The following GLRB variants were observed in gnomAD, a reference collection of about 807,000 sequenced individuals.
GLRB encodes the protein glycine receptor beta.
GLRB carries 33 observed loss-of-function variants against 54.2 expected under a neutral mutation model. The observed-to-expected ratio is 0.61, with a 90% confidence interval of 0.46 to 0.81. The LOEUF is 0.81. GLRB is among the 40% of genes least tolerant of loss of function. The pLI is 0.00. For missense variants in GLRB, 572 were observed against 584.6 expected (o/e 0.98, Z 0.22); for synonymous variants, 209 against 208.2 (o/e 1.00, Z -0.03).
chr4:157,087,532 T>A (rs1734456016), intron 2 of GLRB, among the ~76,000 whole-genome samples: 1 of 152,146 alleles, frequency 6.6e-6, no homozygotes, highest in African/African-American at 2.4e-5. Flanking sequence ...TTAACTATTT[T>A]AGTGTTTTGT....
At chr4:157,126,490 G>A (rs1736020703) in intron 4 of GLRB, among the ~76,000 whole-genome samples, 1 of 151,676 alleles carries the variant, frequency 6.6e-6, no homozygotes, top group African/African-American at 2.4e-5. Flanking sequence ...AATACTATAA[G>A]TGGTATTTAC....
rs1412809817 is a variant in GLRB at position 157,164,264 on chromosome 4, T to G, written c.1198-6168T>G. On this transcript the variant is annotated intron_variant, in intron 9 of 9. Transcript: ENST00000264428. ...CGAAGAACTGGTATTGAAAGCATAC[T>G]GTTTGTGAGAAACTGTGCTTCCCCT... Among the ~76,000 whole-genome samples the G allele has an allele frequency of 4.6e-5, 7 of 152,312 alleles. No individual in the cohort carries two copies. The South Asian group carries it at 8.3e-4, about 18-fold the overall frequency.
intron 2 of GLRB, among the ~76,000 whole-genome samples, chr4:157,117,380 T>C (rs1331882864): frequency 1.3e-5 from 2 of 151,758 alleles, no homozygotes; most frequent in East Asian, 3.9e-4. Context: ...CTTCTACCAA[T>C]GTTTTTCTAC....
At chr4:157,076,975 G>A (rs867559283) in intron 1 of GLRB, among the ~76,000 whole-genome samples, 1 of 64,580 alleles carries the variant, frequency 1.5e-5, no homozygotes, top group African/African-American at 8.1e-5. Context: ...AGAATCCTGG[G>A]GGGGGGGGGG....
intron 2 of GLRB, among the ~76,000 whole-genome samples, chr4:157,079,064 G>C (rs1035744054): frequency 6.6e-6 from 1 of 152,120 alleles, no homozygotes; most frequent in African/African-American, 2.4e-5. Flanking sequence ...GTGGTTCACC[G>C]CACCTGGCCA....
At chr4:157,080,420 G>C (rs1463660994) in intron 2 of GLRB, among the ~76,000 whole-genome samples, 2 of 152,148 alleles carry the variant, frequency 1.3e-5, no homozygotes, top group African/African-American at 4.8e-5. Context: ...TTAAAAAGTG[G>C]ATGTACCTTG....
At chr4:157,094,326 C>T (rs1335321318) in intron 2 of GLRB, among the ~76,000 whole-genome samples, 1 of 152,146 alleles carries the variant, frequency 6.6e-6, no homozygotes, top group African/African-American at 2.4e-5. Context: ...GTAACTGCTT[C>T]TTTTGCTCAC....
rs543326528 is a variant in GLRB at position 157,157,224 on chromosome 4, A to G, written c.1197+4214A>G. Among the ~76,000 whole-genome samples the G allele has an allele frequency of 3.3e-5, 5 of 152,246 alleles. No individual in the cohort carries two copies. In the East Asian group the frequency reaches 9.7e-4, roughly 29 times the overall value. Reference sequence around the variant, plus strand: ...GTGTAGGTTTAAGTCCATACTCCCTACATAGTTTCCACAGACACTATGGCA... The same window carrying G: ...GTGTAGGTTTAAGTCCATACTCCCTGCATAGTTTCCACAGACACTATGGCA... On this transcript the variant is annotated intron_variant, in intron 9 of 9. Coordinates refer to ENST00000264428, the MANE Select transcript of GLRB (RefSeq NM_000824.5).
chr4:157,101,130 C>T (rs4422461), intron 2 of GLRB, among the ~76,000 whole-genome samples: 21,967 of 151,760 alleles, frequency 0.14, 1,741 homozygotes, highest in East Asian at 0.28. Context: ...AACATTTTCC[C>T]CCAAAAGCAG....
intron 2 of GLRB, among the ~76,000 whole-genome samples, chr4:157,085,468 A>G (rs1036146627): frequency 2.6e-5 from 4 of 151,744 alleles, no homozygotes; most frequent in Non-Finnish European, 5.9e-5. Context: ...CTTTTCTATC[A>G]TTATTATCCA....
At chr4:157,111,941 T>C (rs1253017922) in intron 2 of GLRB, among the ~76,000 whole-genome samples, 1 of 152,042 alleles carries the variant, frequency 6.6e-6, no homozygotes, top group Admixed American at 6.6e-5. Flanking sequence ...ATTCTTTTTT[T>C]TCCTTGAGTT....
At chr4:157,118,697 C>T (rs1396267447) in intron 2 of GLRB, among the ~76,000 whole-genome samples, 1 of 151,448 alleles carries the variant, frequency 6.6e-6, no homozygotes, top group Non-Finnish European at 1.5e-5. Flanking sequence ...TCTGTTATAT[C>T]TCACCTACAA....
At chr4:157,113,742 C>T (rs995934950) in intron 2 of GLRB, among the ~76,000 whole-genome samples, 7 of 151,940 alleles carry the variant, frequency 4.6e-5, no homozygotes, top group Admixed American at 2.6e-4. Flanking sequence ...TTGTGGAACA[C>T]TCTTCTTAAT....
chr4:157,094,026 CTG>C (rs1366032856), intron 2 of GLRB, among the ~76,000 whole-genome samples: 2 of 152,146 alleles, frequency 1.3e-5, no homozygotes, highest in Non-Finnish European at 2.9e-5. Context: ...TGTTTGCTCT[CTG>C]TATATGTGAC....
At chr4:157,150,614 G>GAT (rs1344688161) in intron 8 of GLRB, among the ~76,000 whole-genome samples, 5 of 152,014 alleles carry the variant, frequency 3.3e-5, no homozygotes, top group Admixed American at 6.5e-5. Context: ...ATTCTCAGGT[G>GAT]CAATGTGCTG....
chr4:157,150,690 T>C (rs1410326419), intron 8 of GLRB, among the ~76,000 whole-genome samples: 1 of 152,042 alleles, frequency 6.6e-6, no homozygotes, highest in Non-Finnish European at 1.5e-5. Context: ...CCTGACAAAG[T>C]CATCTTCTTT....
rs529097471 is a variant in GLRB at position 157,153,047 on chromosome 4, A to G, written c.1197+37A>G. ...ATTATGCCATGAAATCATTTCCCCC[A>G]ACCACTTCATAGTGTCAAGAGAGAG... is the stretch of plus-strand genomic sequence containing the variant. On this transcript the variant is annotated intron_variant, in intron 9 of 9. Transcript: ENST00000264428. The G allele has an allele frequency of 2.5e-4, 387 of 1,532,178 alleles. 1 individual carries two copies. The South Asian group carries it at 4.1e-3, about 16-fold the overall frequency. The allele number at this position is 1,532,178 out of a possible 1,614,324, so 94.9% of individuals were successfully genotyped here. A position where few individuals can be genotyped will look rare whatever the true frequency, so the allele number is the denominator to read the frequency against.
rs529169163 is a variant in GLRB at position 157,098,021 on chromosome 4, C to CAAA, written c.122+19885_122+19887dup. On this transcript the variant is annotated intron_variant, in intron 2 of 9. Coordinates refer to ENST00000264428, the MANE Select transcript of GLRB (RefSeq NM_000824.5). Reference sequence around the variant, plus strand: ...GGGGGACAAGAGTGAGACTTTGTCTCAAAAAAAAAAAATGAAATTTCCCAT... The same window carrying CAAA: ...GGGGGACAAGAGTGAGACTTTGTCTCAAAAAAAAAAAAAAATGAAATTTCCCAT... 1.1e-3 allele frequency among the ~76,000 whole-genome samples: 160 copies of CAAA among 141,508 alleles called. 2 individuals carry two copies. In the East Asian group the frequency reaches 0.027, roughly 24 times the overall value. The allele number at this position is 141,508 out of a possible 152,430, so 92.8% of individuals were successfully genotyped here.
chr4:157,144,196 T>C (rs1736722262), intron 8 of GLRB, among the ~76,000 whole-genome samples: 1 of 152,206 alleles, frequency 6.6e-6, no homozygotes, highest in African/African-American at 2.4e-5. Context: ...AGTTAATCTA[T>C]TTTTCTGTCA....
Sources: gnomAD v4.1 joint callset for allele counts (sites outside exome capture counted in the v4.1 genomes callset) on GRCh38, gnomAD v4.1.1 for gene constraint, MANE v1.5 for transcripts, NCBI Gene and HGNC (gene_info 2026-07-23, HGNC 2026-07-21) for gene names.